The following MYO1H variants were observed in gnomAD, a reference collection of about 807,000 sequenced individuals.
The protein encoded by MYO1H is myosin IH.
A neutral mutation model predicts 149.3 loss-of-function variants in MYO1H; 118 were observed. The ratio of observed to expected loss-of-function variants is 0.79; its 90% CI spans 0.68 to 0.92. The LOEUF (loss-of-function observed/expected upper bound fraction) is 0.92. MYO1H is among the 40% of genes least tolerant of loss of function. The pLI, the probability that MYO1H is intolerant of heterozygous loss-of-function variation, is 0.00. For missense variants in MYO1H, 1,212 were observed against 1,280.7 expected (o/e 0.95, Z 0.82); for synonymous variants, 447 against 465.2 (o/e 0.96, Z 0.50).
chr12:109,327,216 T>C, the MYO1H span, among the ~76,000 whole-genome samples: 875 of 141,774 alleles, frequency 6.2e-3, 5 homozygotes, highest in Non-Finnish European at 9.4e-3. Flanking sequence ...CCCTGCAACC[T>C]CTGCCTCCTG....
intron 6 of MYO1H, among the ~76,000 whole-genome samples, chr12:109,403,256 A>T (rs191025891): frequency 2.3e-4 from 35 of 152,304 alleles, no homozygotes; most frequent in African/African-American, 7.2e-4. Flanking sequence ...GTAAAAAAAA[A>T]TTTTTATATC....
intron 16 of MYO1H, among the ~76,000 whole-genome samples, chr12:109,423,814 G>C (rs1191894580): frequency 2.0e-5 from 3 of 152,018 alleles, no homozygotes; most frequent in Non-Finnish European, 4.4e-5. Context: ...TTTTGAAGGT[G>C]GAATAATATT....
At chr12:109,310,783 T>C in the MYO1H span, among the ~76,000 whole-genome samples, 1 of 152,206 alleles carries the variant, frequency 6.6e-6, no homozygotes, top group Non-Finnish European at 1.5e-5. Context: ...CTTTCTTCTC[T>C]GCCAGGAGTA....
upstream of MYO1H, among the ~76,000 whole-genome samples, chr12:109,345,720 A>G (rs537867369): frequency 6.6e-6 from 1 of 152,382 alleles, no homozygotes; most frequent in South Asian, 2.1e-4. Flanking sequence ...GCATCAACTG[A>G]TGGATAAACA....
At chr12:109,429,723 G>T (rs1003744397) in intron 19 of MYO1H, among the ~76,000 whole-genome samples, 4 of 152,198 alleles carry the variant, frequency 2.6e-5, no homozygotes, top group Admixed American at 1.3e-4. Context: ...ATCCAGGTAA[G>T]GGGAAAGAGT....
intron 23 of MYO1H, 148 bp downstream of exon 23, chr12:109,438,768 C>T (rs1871980721): frequency 4.7e-6 from 3 of 636,148 alleles, no homozygotes; most frequent in Non-Finnish European, 8.3e-6. Flanking sequence ...AATTCAGGTC[C>T]ATCCCTTTGC....
At chr12:109,442,218 TGAA>T (rs774988037) in exon 27 of MYO1H, 97 of 1,613,628 alleles carry the variant, frequency 6.0e-5, no homozygotes, top group Non-Finnish European at 8.1e-5. Flanking sequence ...CCTCTCTAGA[TGAA>T]GGAGACATTA....
chr12:109,345,776 G>T (rs915109059), upstream of MYO1H, among the ~76,000 whole-genome samples: 5 of 152,186 alleles, frequency 3.3e-5, no homozygotes, highest in Non-Finnish European at 5.9e-5. Flanking sequence ...CAATAAAAAT[G>T]AAGTGTACTG....
At chr12:109,420,298 G>A (rs760585888) in intron 15 of MYO1H, among the ~76,000 whole-genome samples, 7 of 151,896 alleles carry the variant, frequency 4.6e-5, no homozygotes, top group African/African-American at 1.2e-4. Flanking sequence ...CATGTTACCC[G>A]CCCCCCGGAG....
chr12:109,416,562 T>C (rs888441165), intron 15 of MYO1H, among the ~76,000 whole-genome samples: 2 of 152,220 alleles, frequency 1.3e-5, no homozygotes, highest in African/African-American at 4.8e-5. Context: ...CAATAACTCA[T>C]GGTAGGCACT....
At chr12:109,440,621 A>G in intron 24 of MYO1H, 123 bp from the exon 25 acceptor site, 2 of 727,650 alleles carry the variant, frequency 2.7e-6, no homozygotes, top group Non-Finnish European at 2.4e-6. Flanking sequence ...AATATAAAAT[A>G]TTAACACTGT....
At chr12:109,318,331 C>T in the MYO1H span, among the ~76,000 whole-genome samples, 3 of 152,102 alleles carry the variant, frequency 2.0e-5, no homozygotes, top group African/African-American at 7.2e-5. Flanking sequence ...ATAAATGTAG[C>T]TGCTCCTTCC....
Position 109,443,715 on chromosome 12 carries a change from G to GA in MYO1H, c.2824+68dup. The GA allele has an allele frequency of 5.7e-6, 9 of 1,574,534 alleles. No individual in the cohort carries two copies. The Middle Eastern group carries it at 8.4e-4, about 147-fold the overall frequency. On this transcript the variant is annotated intron_variant, in intron 28 of 31. Transcript: ENST00000310903. ...CTCAACTACTGGAAAGCCCAGTAAT[G>GA]AAGCTCCCAAATGGGAAACACAAGT... is the stretch of plus-strand genomic sequence containing the variant.
At chr12:109,425,183 A>G (rs1382550191) in intron 17 of MYO1H, among the ~76,000 whole-genome samples, 1 of 152,206 alleles carries the variant, frequency 6.6e-6, no homozygotes, top group African/African-American at 2.4e-5. Context: ...AGAAAAAATC[A>G]ATTAGCCAGG....
intron 27 of MYO1H, 68 bp from the exon 28 acceptor site, chr12:109,443,446 G>A (rs2135610697): frequency 2.6e-5 from 41 of 1,569,280 alleles, no homozygotes; most frequent in Non-Finnish European, 3.3e-5. Flanking sequence ...CACTTTACCG[G>A]TGTCTGAGTA....
chr12:109,448,249 T>G lies in MYO1H; in HGVS notation c.*1067T>G, dbSNP rs143669598. 4 of 152,384 alleles carry G rather than the reference T, an allele frequency of 2.6e-5. No individual in the cohort carries two copies. The East Asian group carries it at 7.7e-4, about 29-fold the overall frequency. 9.4% of individuals were successfully genotyped at this position (152,384 alleles called of 1,614,324 possible). A position where few individuals can be genotyped will look rare whatever the true frequency, so the allele number is the denominator to read the frequency against. ...ACATCCATTAGCCTCATGGTTTTGC[T>G]TCAAGTCTCAGCTTCCAAGAACCTA... On this transcript the variant is annotated 3_prime_UTR_variant, in exon 32 of 32. Transcript: ENST00000310903.
At chr12:109,390,109 T>C (rs1232909379) in intron 2 of MYO1H, among the ~76,000 whole-genome samples, 2 of 152,236 alleles carry the variant, frequency 1.3e-5, no homozygotes, top group Non-Finnish European at 2.9e-5. Flanking sequence ...GAATTTCTAC[T>C]GATTGAAGTA....
At chr12:109,354,821 G>C (rs1342444838) in intron 1 of MYO1H, among the ~76,000 whole-genome samples, 1 of 152,112 alleles carries the variant, frequency 6.6e-6, no homozygotes. Context: ...TTCAACAAGA[G>C]GAATCTTAGG....
At chr12:109,376,085 A>AT (rs972352663) in intron 1 of MYO1H, among the ~76,000 whole-genome samples, 10 of 152,052 alleles carry the variant, frequency 6.6e-5, no homozygotes, top group Non-Finnish European at 1.3e-4. Flanking sequence ...TCACATTTAG[A>AT]TTTTTTTTGG....
Sources: allele counts gnomAD v4.1 joint callset (sites outside exome capture counted in the v4.1 genomes callset), GRCh38; gene constraint gnomAD v4.1.1; transcripts MANE v1.5; gene names NCBI Gene and HGNC (gene_info 2026-07-23, HGNC 2026-07-21).